ROBO2: variants seen among roughly 807,000 people sequenced by gnomAD.
ROBO2 encodes the protein roundabout homolog 2.
ROBO2 carries 53 observed loss-of-function variants against 160.8 expected under a neutral mutation model. The observed-to-expected ratio is 0.33, with a 90% CI of 0.26 to 0.41. The LOEUF (loss-of-function observed/expected upper bound fraction) is 0.41, where lower values mean the gene tolerates loss of function less well. Ranked by LOEUF, ROBO2 falls within the 10% of genes least tolerant of loss-of-function variation. The pLI is 1.00. For synonymous variants in ROBO2, 664 were observed against 611.7 expected (o/e 1.09, Z -1.26); for missense variants, 1,577 against 1,722.4 (o/e 0.92, Z 1.49).
intron 2 of ROBO2, among the ~76,000 whole-genome samples, chr3:76,641,496 A>G (rs1036546888): frequency 1.3e-5 from 2 of 152,188 alleles, no homozygotes; most frequent in Non-Finnish European, 2.9e-5. Context: ...TACATAGATC[A>G]TGAAGGACAA....
chr3:76,317,020 ATCT>A (rs1367198430), intron 2 of ROBO2, among the ~76,000 whole-genome samples: 1 of 152,226 alleles, frequency 6.6e-6, no homozygotes, highest in Non-Finnish European at 1.5e-5. Context: ...ATTATATTTC[ATCT>A]TCTAAAGGAT....
At chr3:76,390,638 A>G (rs1024394822) in intron 2 of ROBO2, among the ~76,000 whole-genome samples, 2 of 152,078 alleles carry the variant, frequency 1.3e-5, no homozygotes, top group African/African-American at 4.8e-5. Flanking sequence ...AGCCTACTTT[A>G]TTTATTTTTC....
Position 77,062,946 on chromosome 3 carries a change from G to T in ROBO2, c.61+22100G>T, listed in dbSNP as rs2066467674. 1.3e-5 allele frequency among the ~76,000 whole-genome samples: 2 copies of T among 152,158 alleles called. 1 individual carries two copies. Among genetic ancestry groups the T allele is most frequent in the Middle Eastern group, 6.8e-3 (2 of 292 alleles). ...GCTAATCTAGTCTAATGGCCTCCCA[G>T]TTACATTTTTTTTAATAATAAAGAT... is the stretch of plus-strand genomic sequence containing the variant. On this transcript the variant is annotated intron_variant, in intron 1 of 25. Transcript: ENST00000461745.
chr3:76,990,722 C>T (rs1255099209), intron 2 of ROBO2, among the ~76,000 whole-genome samples: 1 of 152,138 alleles, frequency 6.6e-6, no homozygotes, highest in Non-Finnish European at 1.5e-5. Flanking sequence ...TAGGAAAAAC[C>T]TGAAACTGGT....
chr3:77,374,990 C>A (rs1006869149), intron 2 of ROBO2, among the ~76,000 whole-genome samples: 1 of 152,194 alleles, frequency 6.6e-6, no homozygotes, highest in African/African-American at 2.4e-5. Context: ...GAGAGGATTG[C>A]TTGAGGCCAG....
intron 2 of ROBO2, among the ~76,000 whole-genome samples, chr3:77,233,214 G>A (rs13079986): frequency 0.2 from 30,393 of 152,078 alleles, 3,433 homozygotes; most frequent in Middle Eastern, 0.32. Context: ...AATTCAAAGT[G>A]AATAATACCA....
At chr3:76,382,885 T>G (rs916153571) in intron 2 of ROBO2, among the ~76,000 whole-genome samples, 3 of 152,144 alleles carry the variant, frequency 2.0e-5, no homozygotes, top group African/African-American at 7.2e-5. Flanking sequence ...CAGCTTCTCT[T>G]TGAGACTTAG....
chr3:76,233,732 T>C lies in ROBO2; in HGVS notation c.109+296130T>C, dbSNP rs191586376. Among the ~76,000 whole-genome samples, 545 of 152,352 alleles carry C rather than the reference T, an allele frequency of 3.6e-3. 7 individuals are homozygous for C. Among genetic ancestry groups the C allele is most frequent in the Admixed American group, 0.025 (380 of 15,308 alleles). On this transcript the variant is annotated intron_variant, in intron 2 of 26. Transcript: ENST00000487694. ...TCCTCCAATCTATTTCAATTTGATG[T>C]CTTGTCTTTGGTGCATTACCAAAAG...
chr3:77,089,901 G>A (rs1232102847), intron 1 of ROBO2, among the ~76,000 whole-genome samples: 1 of 152,130 alleles, frequency 6.6e-6, no homozygotes, highest in Non-Finnish European at 1.5e-5. Context: ...TGGATTGATG[G>A]CATGATTCAT....
At chr3:77,139,194 T>C (rs2076509422) in intron 2 of ROBO2, among the ~76,000 whole-genome samples, 1 of 151,996 alleles carries the variant, frequency 6.6e-6, no homozygotes, top group South Asian at 2.1e-4. Flanking sequence ...GACTGTGGAG[T>C]TGGAGACAAA....
At chr3:77,178,236 A>T (rs1017193227) in intron 2 of ROBO2, among the ~76,000 whole-genome samples, 3 of 152,036 alleles carry the variant, frequency 2.0e-5, no homozygotes, top group African/African-American at 7.2e-5. Context: ...TTTCCATGCC[A>T]TATAATCCAG....
intron 2 of ROBO2, among the ~76,000 whole-genome samples, chr3:76,979,845 A>G (rs2060006502): frequency 6.6e-6 from 1 of 151,872 alleles, no homozygotes; most frequent in African/African-American, 2.4e-5. Context: ...GTGTAAACTC[A>G]CTGTGTAACA....
At chr3:76,222,670 C>G (rs191832836) in intron 2 of ROBO2, among the ~76,000 whole-genome samples, 1 of 152,190 alleles carries the variant, frequency 6.6e-6, no homozygotes, top group East Asian at 1.9e-4. Flanking sequence ...GAGCCCTCTC[C>G]TACCCGGCTC....
At chr3:77,167,026 C>A (rs2150703874) in intron 2 of ROBO2, among the ~76,000 whole-genome samples, 1 of 152,220 alleles carries the variant, frequency 6.6e-6, no homozygotes, top group East Asian at 1.9e-4. Context: ...TAGGAGGTAC[C>A]AAATGGTGAT....
At chr3:76,148,677 T>C (rs1490858915) in intron 2 of ROBO2, among the ~76,000 whole-genome samples, 1 of 152,150 alleles carries the variant, frequency 6.6e-6, no homozygotes, top group Non-Finnish European at 1.5e-5. Flanking sequence ...TGCTGCCTTA[T>C]TGTAATAAGA....
intron 2 of ROBO2, among the ~76,000 whole-genome samples, chr3:77,384,184 C>A: frequency 6.6e-6 from 1 of 151,990 alleles, no homozygotes; most frequent in East Asian, 1.9e-4. Flanking sequence ...CAATTATTTC[C>A]CAGAATGCTA....
chr3:77,602,574 AGTG>A lies in ROBO2; in HGVS notation c.3136+84_3136+86del, dbSNP rs2094449980. 1.3e-5 allele frequency: 19 copies of A among 1,515,814 alleles called. No individual in the cohort carries two copies. The African/African-American group carries it at 2.6e-4, about 21-fold the overall frequency. 93.9% of individuals were successfully genotyped at this position (1,515,814 alleles called of 1,614,324 possible). ...GAAATTAGTATTTGTTGTTTGACTT[AGTG>A]ATTCATTACCAGGTTTACTACCTAA... On this transcript the variant is annotated intron_variant, in intron 20 of 25. Transcript: ENST00000461745.
intron 2 of ROBO2, among the ~76,000 whole-genome samples, chr3:76,247,827 G>A (rs971730809): frequency 3.1e-4 from 47 of 151,782 alleles, no homozygotes; most frequent in South Asian, 6.3e-4. Flanking sequence ...AAAAGTGGGC[G>A]AAGGACATGA....
At chr3:76,484,367 A>G (rs1331398160) in intron 2 of ROBO2, among the ~76,000 whole-genome samples, 1 of 152,114 alleles carries the variant, frequency 6.6e-6, no homozygotes, top group Non-Finnish European at 1.5e-5. Context: ...ATTTTGATTT[A>G]AAAAATAAGA....
Sources: gnomAD v4.1 joint callset for allele counts (sites outside exome capture counted in the v4.1 genomes callset) on GRCh38, gnomAD v4.1.1 for gene constraint, MANE v1.5 for transcripts, NCBI Gene and HGNC (gene_info 2026-07-23, HGNC 2026-07-21) for gene names.